Variants in CDH18 observed in about 807,000 individuals in gnomAD.
CDH18 encodes cadherin-18.
In CDH18, 31 loss-of-function variants were observed where a neutral mutation model predicts 67.9. That is an observed-to-expected ratio of 0.46 (90% CI 0.34 to 0.62). CDH18 has a LOEUF of 0.62. Ranked by LOEUF, CDH18 falls within the 20% of genes least tolerant of loss-of-function variation. The probability of loss-of-function intolerance (pLI) is 0.01; values close to 1 mark genes in which losing one functional copy is unlikely to be tolerated. For missense variants in CDH18, 890 were observed against 975.5 expected, an observed-to-expected ratio of 0.91 and a Z score of 1.17; for synonymous variants, 362 against 347.2, an observed-to-expected ratio of 1.04 and a Z score of -0.48.
At chr5:19,597,935 C>T (rs1029146776) in intron 6 of CDH18, among the ~76,000 whole-genome samples, 11 of 151,848 alleles carry the variant, frequency 7.2e-5, no homozygotes, top group Non-Finnish European at 1.0e-4. Context: ...ACTAAGATGT[C>T]GCATATAGTT....
chr5:20,237,152 T>C (rs915941190), intron 2 of CDH18, among the ~76,000 whole-genome samples: 5 of 151,790 alleles, frequency 3.3e-5, no homozygotes, highest in Non-Finnish European at 7.4e-5. Flanking sequence ...CTCAAGAAAT[T>C]AGAAATAGAA....
At chr5:20,070,762 T>A (rs764663361) in intron 2 of CDH18, among the ~76,000 whole-genome samples, 3 of 152,200 alleles carry the variant, frequency 2.0e-5, no homozygotes, top group Non-Finnish European at 4.4e-5. Flanking sequence ...TGTACTTTCA[T>A]TTACTCCTAG....
intron 3 of CDH18, among the ~76,000 whole-genome samples, chr5:19,828,655 G>C (rs1780684987): frequency 6.6e-6 from 1 of 152,180 alleles, no homozygotes; most frequent in African/African-American, 2.4e-5. Flanking sequence ...CATCTCGATA[G>C]ATGCAGAAAA....
chr5:19,495,218 C>A (rs553279509), intron 11 of CDH18, among the ~76,000 whole-genome samples: 1 of 152,178 alleles, frequency 6.6e-6, no homozygotes, highest in Admixed American at 6.5e-5. Flanking sequence ...TTTGAAAGAG[C>A]AAATATCTGT....
intron 3 of CDH18, among the ~76,000 whole-genome samples, chr5:19,799,017 A>T (rs1185755245): frequency 6.6e-6 from 1 of 152,084 alleles, no homozygotes; most frequent in African/African-American, 2.4e-5. Context: ...GGGTGTTTCC[A>T]TATTTTAGGT....
rs891405781 is a variant in CDH18, at chr5:20,152,181, T to C, written c.-518+103263A>G. On this transcript the variant is annotated intron_variant, in intron 2 of 14. Coordinates refer to the CDH18 transcript ENST00000507958. ...ATAATTATATATAAAATACATATAA[T>C]TATATATAATATATATAATTATATA... Among the ~76,000 whole-genome samples the C allele has an allele frequency of 7.4e-5, 9 of 122,358 alleles. No homozygotes were observed. The South Asian group carries it at 1.1e-3, about 15-fold the overall frequency. 80.3% of individuals were successfully genotyped at this position (122,358 alleles called of 152,430 possible). A position where few individuals can be genotyped will look rare whatever the true frequency, so the allele number is the denominator to read the frequency against.
At chr5:19,485,902 C>T (rs1245927735) in intron 11 of CDH18, among the ~76,000 whole-genome samples, 1 of 141,632 alleles carries the variant, frequency 7.1e-6, no homozygotes, top group Non-Finnish European at 1.6e-5. Context: ...ATGGCTCAGG[C>T]CTAGCATACG....
At chr5:20,407,918 T>C (rs754440158) in intron 1 of CDH18, among the ~76,000 whole-genome samples, 1 of 151,950 alleles carries the variant, frequency 6.6e-6, no homozygotes, top group Non-Finnish European at 1.5e-5. Context: ...AAAGACTCTC[T>C]CTGCCTCAAT....
chr5:20,254,116 G>GT (rs1744057657), intron 2 of CDH18, among the ~76,000 whole-genome samples: 1 of 152,064 alleles, frequency 6.6e-6, no homozygotes, highest in African/African-American at 2.4e-5. Context: ...TTAGTTTTTT[G>GT]TTTTTTGTTT....
At chr5:20,405,909 C>T (rs1279061557) in intron 1 of CDH18, among the ~76,000 whole-genome samples, 6 of 152,008 alleles carry the variant, frequency 3.9e-5, no homozygotes, top group African/African-American at 9.7e-5. Context: ...GTTAGAATGG[C>T]GATCATTAAA....
intron 1 of CDH18, among the ~76,000 whole-genome samples, chr5:20,345,247 A>G (rs1740604942): frequency 6.9e-6 from 1 of 145,466 alleles, no homozygotes; most frequent in Admixed American, 7.2e-5. Flanking sequence ...TTGGGGTTGT[A>G]ATTTGTATAT....
rs538271690 is a variant in CDH18, at chr5:20,427,735, C to T, written c.-580+147727G>A. On this transcript the variant is annotated intron_variant, in intron 1 of 14. Coordinates refer to the CDH18 transcript ENST00000507958. Reference sequence around the variant, plus strand: ...TTTCCACTGACTTTATAAGTGATTACGATTTATGCTCATCTGGAAAGGAAA... The same window carrying T: ...TTTCCACTGACTTTATAAGTGATTATGATTTATGCTCATCTGGAAAGGAAA... Among the ~76,000 whole-genome samples the T allele has an allele frequency of 2.3e-4, 34 of 151,088 alleles. 3 individuals are homozygous for T. The highest frequency in any genetic ancestry group is 6.9e-4 in the African/African-American group (28 of 40,466).
intron 1 of CDH18, among the ~76,000 whole-genome samples, chr5:20,348,912 A>G (rs1394251055): frequency 6.6e-6 from 1 of 152,172 alleles, no homozygotes; most frequent in African/African-American, 2.4e-5. Context: ...TTTTTGATAT[A>G]AGGTCCAGAA....
At chr5:20,088,269 G>A (rs760684792) in intron 2 of CDH18, among the ~76,000 whole-genome samples, 14 of 152,094 alleles carry the variant, frequency 9.2e-5, no homozygotes, top group East Asian at 1.9e-4. Flanking sequence ...TCTAACATGC[G>A]TATGCACTTT....
chr5:19,831,221 G>A (rs1193774301), intron 3 of CDH18, among the ~76,000 whole-genome samples: 2 of 152,006 alleles, frequency 1.3e-5, no homozygotes, highest in Admixed American at 6.6e-5. Context: ...AATAATTTAT[G>A]GCTAAGTACT....
At chr5:20,289,863 C>A (rs1746975599) in intron 1 of CDH18, among the ~76,000 whole-genome samples, 1 of 151,920 alleles carries the variant, frequency 6.6e-6, no homozygotes, top group Admixed American at 6.6e-5. Context: ...AAGAACAAGG[C>A]AAAGAGAATG....
At chr5:19,555,296 G>GC (rs1342483893) in intron 8 of CDH18, among the ~76,000 whole-genome samples, 5 of 152,218 alleles carry the variant, frequency 3.3e-5, no homozygotes, top group Non-Finnish European at 7.3e-5. Flanking sequence ...GAGGTGGACT[G>GC]CAGCTGCAGG....
At chr5:19,725,765 G>T (rs1043975005) in intron 4 of CDH18, among the ~76,000 whole-genome samples, 1 of 152,108 alleles carries the variant, frequency 6.6e-6, no homozygotes, top group Non-Finnish European at 1.5e-5. Flanking sequence ...ATGAAACTCC[G>T]TCTCAACAAC....
At position 20,058,701 on chromosome 5, in the gene CDH18, A is replaced by C. The variant is rs538729273; in HGVS notation, c.-517-66687T>G. The stretch of plus-strand genomic sequence containing the variant: ...ATACATTACAAGGCAATGGAAAGTA[A>C]ATCTTAGAGAAGTAAATAATTGTGA... On this transcript the variant is annotated intron_variant, in intron 2 of 14. Coordinates refer to the CDH18 transcript ENST00000507958. Among the ~76,000 whole-genome samples the C allele has an allele frequency of 1.2e-3, 177 of 152,344 alleles. 1 individual carries two copies. Among genetic ancestry groups the C allele is most frequent in the African/African-American group, 4.1e-3 (172 of 41,580 alleles).
Sources: allele counts gnomAD v4.1 joint callset (sites outside exome capture counted in the v4.1 genomes callset), GRCh38; gene constraint gnomAD v4.1.1; transcripts MANE v1.5; gene names NCBI Gene and HGNC (gene_info 2026-07-23, HGNC 2026-07-21).